Variants in KHNYN observed in about 807,000 individuals in gnomAD.
KHNYN encodes KH and NYN domain containing, also known as protein KHNYN.
A neutral mutation model predicts 62.7 loss-of-function variants in KHNYN; 42 were observed. The ratio of observed to expected loss-of-function variants is 0.67; its 90% CI spans 0.52 to 0.87. KHNYN has a LOEUF of 0.87. Ranked by LOEUF, KHNYN falls within the 40% of genes least tolerant of loss-of-function variation. KHNYN has a pLI of 0.00. For missense variants in KHNYN, 829 were observed against 874.1 expected (o/e 0.95, Z 0.65); for synonymous variants, 347 against 345.6 (o/e 1.00, Z -0.04).
chr14:24,431,463 G>A lies in KHNYN; in HGVS notation c.202G>A (p.Glu68Lys), dbSNP rs149493774. ...CTGACCTTCCCTTCCTCCCAACCAG[G>A]AGTACCTGAAGGGCCTCTGCAGCCC... ...GPKENASRAKEYLKGLCSPEL... is the reference protein window; with the variant it reads ...GPKENASRAKKYLKGLCSPEL... Residue 68 changes from glutamate to lysine, a missense_variant and splice_region_variant, in exon 3 of 8, where the codon GAG (glutamate) becomes AAG (lysine). Glu to Lys is a moderately conservative substitution (Grantham distance 56). Coordinates refer to ENST00000553935, the MANE Select transcript of KHNYN (RefSeq NM_015299.3). 3 of 1,558,112 alleles carry A rather than the reference G, an allele frequency of 1.9e-6. No homozygotes were observed. Among genetic ancestry groups the A allele is most frequent in the East Asian group, 2.3e-5 (1 of 44,052 alleles).
chr14:24,440,350 G>A lies in KHNYN; in HGVS notation c.*3065G>A. 1.9e-6 allele frequency: 3 copies of A among 1,614,042 alleles called. No homozygotes were observed. Among genetic ancestry groups the A allele is most frequent in the South Asian group, 1.1e-5 (1 of 91,076 alleles). On this transcript the variant is annotated 3_prime_UTR_variant, in exon 8 of 8. Coordinates refer to ENST00000553935, the MANE Select transcript of KHNYN (RefSeq NM_015299.3). ...CCCCGTGCACGTGGTTTGCTTCAAG[G>A]GCATGGGTCAGGATTCCTGCCAGGT...
At position 24,431,990 on chromosome 14, in the gene KHNYN, A is replaced by G. The variant is rs151285340; in HGVS notation, c.729A>G (p.Gly243=). ...TGGACACTGGATCTATGGGACCCGG[A>G]GATTGCAGGGGAGCAAGGGGAGACA... is the stretch of plus-strand genomic sequence containing the variant. ...ESLDTGSMGP[G]DCRGARGDTY... The change falls in exon 3 of 8, where the codon GGA becomes GGG. Residue 243 remains glycine (G), a synonymous_variant. Transcript: ENST00000553935. 5.5e-5 allele frequency: 89 copies of G among 1,611,828 alleles called. No homozygotes were observed. Among genetic ancestry groups the G allele is most frequent in the Admixed American group, 3.0e-4 (18 of 59,900 alleles).
At position 24,430,082 on chromosome 14, in the gene KHNYN, G is replaced by T; in HGVS notation, c.-55G>T. On this transcript the variant is annotated 5_prime_UTR_variant, in exon 1 of 8. Coordinates refer to ENST00000553935, the MANE Select transcript of KHNYN (RefSeq NM_015299.3). ...CGGGCAAAGCGGGGGCCTGGCGGGC[G>T]CTGAGAGGACCTGAAGCCGGCGCGG... 1.0e-6 allele frequency: 1 copy of T among 985,536 alleles called. No homozygotes were observed. The highest frequency in any genetic ancestry group is 1.2e-6 in the Non-Finnish European group (1 of 830,136). The allele number at this position is 985,536 out of a possible 1,614,324, so 61.0% of individuals were successfully genotyped here. A position where few individuals can be genotyped will look rare whatever the true frequency, so the allele number is the denominator to read the frequency against.
At chr14:24,435,734 T>G in intron 5 of KHNYN, 1 of 321,934 alleles carries the variant, frequency 3.1e-6, no homozygotes. Context: ...CCACCTTGGA[T>G]TCATCTTTGT....
At position 24,439,277 on chromosome 14, in the gene KHNYN, A is replaced by C. The variant is rs1208775425; in HGVS notation, c.*1992A>C. Reference sequence around the variant, plus strand: ...GATGGTGGGTGTGCAGTAGACCAAAAGTGTCTTCTGCCCTTTTGTGCTAAG... The same window carrying C: ...GATGGTGGGTGTGCAGTAGACCAAACGTGTCTTCTGCCCTTTTGTGCTAAG... On this transcript the variant is annotated 3_prime_UTR_variant, in exon 8 of 8. Coordinates refer to ENST00000553935, the MANE Select transcript of KHNYN (RefSeq NM_015299.3). The C allele has an allele frequency of 6.6e-6, 1 of 152,122 alleles. No individual in the cohort carries two copies. The highest frequency in any genetic ancestry group is 2.4e-5 in the African/African-American group (1 of 41,406). The allele number at this position is 152,122 out of a possible 1,614,324, so 9.4% of individuals were successfully genotyped here. A position where few individuals can be genotyped will look rare whatever the true frequency, so the allele number is the denominator to read the frequency against.
chr14:24,440,450 A>C lies in KHNYN; in HGVS notation c.*3165A>C. 1 of 1,611,164 alleles carries C rather than the reference A, an allele frequency of 6.2e-7. No individual in the cohort carries two copies. The highest frequency in any genetic ancestry group is 1.6e-4 in the Middle Eastern group (1 of 6,062). ...CCCCAGGCCCAGGCGAAAGGGCAGC[A>C]GCATGTGGCCCATGGCACCACCCCC... is the stretch of plus-strand genomic sequence containing the variant. On this transcript the variant is annotated 3_prime_UTR_variant, in exon 8 of 8. Coordinates refer to ENST00000553935, the MANE Select transcript of KHNYN (RefSeq NM_015299.3).
upstream of KHNYN, chr14:24,428,163 C>T (rs1021248095): frequency 7.8e-6 from 11 of 1,419,150 alleles, no homozygotes; most frequent in African/African-American, 1.6e-4. Flanking sequence ...AGGCCCATTC[C>T]TCCCCTGGTC....
upstream of KHNYN, chr14:24,429,357 C>T (rs1296396462): frequency 4.7e-6 from 3 of 632,640 alleles, no homozygotes; most frequent in East Asian, 9.7e-5. Context: ...CAGGGCAGCC[C>T]TGCTGGATGG....
Position 24,440,508 on chromosome 14 carries a change from G to C in KHNYN, c.*3223G>C, listed in dbSNP as rs1180212954. 2 of 1,592,468 alleles carry C rather than the reference G, an allele frequency of 1.3e-6. No homozygotes were observed. The highest frequency in any genetic ancestry group is 2.3e-5 in the East Asian group (1 of 43,614). On this transcript the variant is annotated 3_prime_UTR_variant, in exon 8 of 8. Transcript: ENST00000553935. ...AGCACAACCCCTAGAGCAGGAAAGAGGGAAGGTACAGGGGTCCTCTCAGCC... is the reference window on the plus strand; with the variant it reads ...AGCACAACCCCTAGAGCAGGAAAGACGGAAGGTACAGGGGTCCTCTCAGCC...
At chr14:24,430,537 G>A in intron 1 of KHNYN, 177 bp from the exon 2 acceptor site, 1 of 1,406,544 alleles carries the variant, frequency 7.1e-7, no homozygotes, top group East Asian at 2.6e-5. Context: ...CCTCTCCGGA[G>A]AGGCCTGCGT....
chr14:24,431,047 T>C (rs1403536210), intron 2 of KHNYN, 116 bp downstream of exon 2: 13 of 952,604 alleles, frequency 1.4e-5, no homozygotes, highest in Non-Finnish European at 1.7e-5. Flanking sequence ...GATCTCCACT[T>C]CTTGGTTGTC....
Position 24,433,017 on chromosome 14 carries a change from C to A in KHNYN, c.1562C>A (p.Ser521Tyr). ...PSRVMDGKRI[S>Y]SYDDRFMVKL... is the part of the protein sequence containing the mutation. ...CGAGTCATGGATGGCAAGAGGATCT[C>A]CTCCTATGATGACAGGTACTTGCTC... Residue 521 changes from serine (S) to tyrosine (Y), a missense_variant, in exon 5 of 8, where the codon TCC becomes TAC. Around this residue, in one of 2 missense-constraint regions of KHNYN, gnomAD observed 270 missense variants for 347.1 expected, o/e 0.78. Transcript: ENST00000553935. 6.2e-7 allele frequency: 1 copy of A among 1,614,036 alleles called. No individual in the cohort carries two copies. The highest frequency in any genetic ancestry group is 8.5e-7 in the Non-Finnish European group (1 of 1,179,868).
chr14:24,428,158 C>T, upstream of KHNYN: 1 of 1,394,768 alleles, frequency 7.2e-7, no homozygotes, highest in Admixed American at 1.9e-5. Flanking sequence ...AAGGCAGGCC[C>T]ATTCCTCCCC....
chr14:24,440,099 T>A lies in KHNYN; in HGVS notation c.*2814T>A, dbSNP rs200170657. ...ACGACCTACTTAGGCTACAATTTCC[T>A]TTAAGGCAGCCCCTAGCTCTGGGAA... On this transcript the variant is annotated 3_prime_UTR_variant, in exon 8 of 8. Coordinates refer to ENST00000553935, the MANE Select transcript of KHNYN (RefSeq NM_015299.3). 2 of 1,602,794 alleles carry A rather than the reference T, an allele frequency of 1.2e-6. No homozygotes were observed. The highest frequency in any genetic ancestry group is 4.5e-5 in the East Asian group (2 of 44,634).
At chr14:24,428,898 G>A (rs755798787), upstream of KHNYN, 9 of 1,583,568 alleles carry the variant, frequency 5.7e-6, no homozygotes, top group African/African-American at 1.4e-5. Context: ...GCAGCAGCTC[G>A]GCCAGGCTCA....
At chr14:24,435,295 A>G (rs1464142020) in intron 5 of KHNYN, among the ~76,000 whole-genome samples, 16 of 152,164 alleles carry the variant, frequency 1.1e-4, no homozygotes, top group Admixed American at 9.8e-4. Flanking sequence ...GTTAGGGAAT[A>G]TTGGGAGAGA....
chr14:24,440,679 A>G lies in KHNYN; in HGVS notation c.*3394A>G. ...CTGCAGGTTGGCTAGAAGTGGTGGC[A>G]TCCTCTCACTCTGTAATTGTAATCT... is the stretch of plus-strand genomic sequence containing the variant. On this transcript the variant is annotated 3_prime_UTR_variant, in exon 8 of 8. Coordinates refer to ENST00000553935, the MANE Select transcript of KHNYN (RefSeq NM_015299.3). The G allele has an allele frequency of 1.4e-6, 2 of 1,460,860 alleles. No individual in the cohort carries two copies. Among genetic ancestry groups the G allele is most frequent in the Non-Finnish European group, 1.9e-6 (2 of 1,063,580 alleles). 90.5% of individuals were successfully genotyped at this position (1,460,860 alleles called of 1,614,324 possible).
At chr14:24,429,616 A>C, upstream of KHNYN, 1 of 1,022,474 alleles carries the variant, frequency 9.8e-7, no homozygotes, top group Non-Finnish European at 1.3e-6. Flanking sequence ...CCCCTCCGCC[A>C]CGATTGCTTT....
At position 24,441,045 on chromosome 14, in the gene KHNYN, G is replaced by C. The variant is rs1212306187; in HGVS notation, c.*3760G>C. On this transcript the variant is annotated 3_prime_UTR_variant, in exon 8 of 8. Coordinates refer to ENST00000553935, the MANE Select transcript of KHNYN (RefSeq NM_015299.3). ...CTTAGGATCTCCCCATTTGGAGACA[G>C]AGCCATTTGGATATTTTCCCCTTGA... 9.1e-7 allele frequency: 1 copy of C among 1,093,152 alleles called. No individual in the cohort carries two copies. Among genetic ancestry groups the C allele is most frequent in the Admixed American group, 2.0e-5 (1 of 50,882 alleles). 67.7% of individuals were successfully genotyped at this position (1,093,152 alleles called of 1,614,324 possible).
Sources: gnomAD v4.1 joint callset for allele counts (sites outside exome capture counted in the v4.1 genomes callset) on GRCh38, gnomAD v4.1.1 for gene constraint, gnomAD v4.1.1 regional missense constraint, MANE v1.5 for transcripts, NCBI Gene and HGNC (gene_info 2026-07-23, HGNC 2026-07-21) for gene names.